The following HECW1 variants were observed in gnomAD, a reference collection of about 807,000 sequenced individuals.
The protein encoded by HECW1 is E3 ubiquitin-protein ligase HECW1.
HECW1 carries 61 observed loss-of-function variants against 182.3 expected under a neutral mutation model. The ratio of observed to expected loss-of-function variants is 0.33; its 90% CI spans 0.27 to 0.41. HECW1 has a LOEUF of 0.41. Among genes scored for constraint, HECW1 ranks in the 10% least tolerant of loss-of-function variants. The pLI, the probability that HECW1 is intolerant of heterozygous loss-of-function variation, is 1.00. For missense variants in HECW1, 1,739 were observed against 2,108.9 expected, an observed-to-expected ratio of 0.82 and a Z score of 3.44; for synonymous variants, 859 against 832.6, an observed-to-expected ratio of 1.03 and a Z score of -0.55.
intron 2 of HECW1, among the ~76,000 whole-genome samples, chr7:43,159,075 A>G (rs1003338954): frequency 6.6e-6 from 1 of 152,198 alleles, no homozygotes; most frequent in African/African-American, 2.4e-5. Context: ...CTGCTGCAGT[A>G]AACATTCACG....
chr7:43,231,933 A>G (rs903364077), intron 2 of HECW1, among the ~76,000 whole-genome samples: 5 of 151,044 alleles, frequency 3.3e-5, no homozygotes, highest in Non-Finnish European at 7.4e-5. Flanking sequence ...AAGGCAGGAG[A>G]ATGGCGTGAA....
intron 5 of HECW1, among the ~76,000 whole-genome samples, chr7:43,329,709 C>T (rs536266764): frequency 2.6e-5 from 4 of 152,156 alleles, no homozygotes; most frequent in African/African-American, 9.6e-5. Flanking sequence ...CACAGTTGCC[C>T]GGACACGGCG....
At chr7:43,373,058 G>T (rs1349361640) in intron 6 of HECW1, among the ~76,000 whole-genome samples, 1 of 152,148 alleles carries the variant, frequency 6.6e-6, no homozygotes, top group Non-Finnish European at 1.5e-5. Flanking sequence ...AATTTCTGAT[G>T]ATTATAATGT....
At chr7:43,391,257 T>G (rs1354086566) in intron 6 of HECW1, among the ~76,000 whole-genome samples, 4 of 152,128 alleles carry the variant, frequency 2.6e-5, no homozygotes, top group African/African-American at 9.7e-5. Flanking sequence ...CTGGAAAACT[T>G]TGTAATTTTG....
rs2077662153 is a variant in HECW1 at position 43,463,665 on chromosome 7, A to G, written c.2657A>G (p.Gln886Arg). The change falls in exon 14 of 30, where the codon CAA becomes CGA. Residue 886 changes from glutamine (Q) to arginine (R), a missense_variant. Gln to Arg is a conservative substitution (Grantham distance 43). This residue lies in a region of HECW1 where 971 missense variants were observed against 1,029.1 expected (regional missense o/e 0.94). Transcript: ENST00000395891. ...TTCCATTTTCTAATGCAAAGGTATC[A>G]AAACATTCAGCGAACCATTGCAACA... ...QQMEQLNRRY[Q>R]NIQRTIATER... 8.1e-6 allele frequency: 13 copies of G among 1,613,768 alleles called. No individual in the cohort carries two copies. Among genetic ancestry groups the G allele is most frequent in the Non-Finnish European group, 1.0e-5 (12 of 1,179,776 alleles).
At chr7:43,219,607 T>C (rs1240348130) in intron 2 of HECW1, among the ~76,000 whole-genome samples, 4 of 152,052 alleles carry the variant, frequency 2.6e-5, no homozygotes, top group Non-Finnish European at 5.9e-5. Context: ...AGTGGGTATG[T>C]GACTGGGGGC....
At chr7:43,535,703 C>T (rs541960279) in intron 24 of HECW1, among the ~76,000 whole-genome samples, 3 of 152,242 alleles carry the variant, frequency 2.0e-5, no homozygotes, top group African/African-American at 4.8e-5. Context: ...CGTACTGTAC[C>T]GTGGTGGGAA....
chr7:43,488,003 A>AAGCCAGCC (rs745645379), intron 17 of HECW1, among the ~76,000 whole-genome samples: 7 of 149,866 alleles, frequency 4.7e-5, no homozygotes, highest in Non-Finnish European at 8.9e-5. Flanking sequence ...GAAAGAAAGA[A>AAGCCAGCC]AGCCAGCCAG....
chr7:43,411,614 G>A (rs1043282507), intron 8 of HECW1, among the ~76,000 whole-genome samples: 1 of 152,100 alleles, frequency 6.6e-6, no homozygotes, highest in African/African-American at 2.4e-5. Flanking sequence ...GGAATTGTCT[G>A]TTTCTCTAAT....
chr7:43,396,480 A>T (rs923128796), intron 6 of HECW1, among the ~76,000 whole-genome samples: 3 of 152,246 alleles, frequency 2.0e-5, no homozygotes, highest in African/African-American at 7.2e-5. Context: ...CTAGTGCCTT[A>T]GGCCCTGCTT....
At position 43,400,696 on chromosome 7, in the gene HECW1, A is replaced by G. The variant is rs187039244; in HGVS notation, c.631+3807A>G. 8.5e-5 allele frequency among the ~76,000 whole-genome samples: 13 copies of G among 152,298 alleles called. No individual in the cohort carries two copies. The East Asian group carries it at 1.9e-3, about 23-fold the overall frequency. On this transcript the variant is annotated intron_variant, in intron 7 of 29. Coordinates refer to ENST00000395891, the MANE Select transcript of HECW1 (RefSeq NM_015052.5). ...GTTTTTTAAAGCTTGCAAAAATAGAAACTTAGAAAGTCAAGTGTATTTGCT... is the reference window on the plus strand; with the variant it reads ...GTTTTTTAAAGCTTGCAAAAATAGAGACTTAGAAAGTCAAGTGTATTTGCT...
chr7:43,252,362 G>A (rs1800131693), intron 3 of HECW1, among the ~76,000 whole-genome samples: 1 of 152,176 alleles, frequency 6.6e-6, no homozygotes. Flanking sequence ...CTTCATAGCT[G>A]TCTTAGGGCC....
chr7:43,181,575 C>A (rs1171868512), intron 2 of HECW1, among the ~76,000 whole-genome samples: 1 of 150,700 alleles, frequency 6.6e-6, no homozygotes, highest in African/African-American at 2.5e-5. Context: ...ATTTGCATTT[C>A]TCTGATGATT....
intron 2 of HECW1, among the ~76,000 whole-genome samples, chr7:43,220,083 A>G (rs1205773125): frequency 6.6e-6 from 1 of 152,210 alleles, no homozygotes; most frequent in Admixed American, 6.5e-5. Context: ...CAGGCCACCT[A>G]CACTTCTACT....
rs886464633 is a variant in HECW1 at position 43,390,549 on chromosome 7, CA to C, written c.556-6255del. On this transcript the variant is annotated intron_variant, in intron 6 of 29. Coordinates refer to ENST00000395891, the MANE Select transcript of HECW1 (RefSeq NM_015052.5). ...AGCAAGCAACTCTTAAAAAAAAAAA[CA>C]AAAAAAAAACAGCAGAGTTGTGGAG... Among the ~76,000 whole-genome samples, 607 of 134,048 alleles carry C rather than the reference CA, an allele frequency of 4.5e-3. 4 individuals are homozygous for C. The highest frequency in any genetic ancestry group is 0.021 in the East Asian group (98 of 4,718). 87.9% of individuals were successfully genotyped at this position (134,048 alleles called of 152,430 possible). A position where few individuals can be genotyped will look rare whatever the true frequency, so the allele number is the denominator to read the frequency against.
At chr7:43,354,496 C>G (rs1814858419) in intron 5 of HECW1, among the ~76,000 whole-genome samples, 1 of 152,080 alleles carries the variant, frequency 6.6e-6, no homozygotes, top group Non-Finnish European at 1.5e-5. Context: ...AATCTTGGAA[C>G]TGAGAAATAT....
intron 17 of HECW1, among the ~76,000 whole-genome samples, chr7:43,486,464 G>T (rs1445058985): frequency 6.6e-6 from 1 of 152,072 alleles, no homozygotes; most frequent in Non-Finnish European, 1.5e-5. Flanking sequence ...CCTACACCCG[G>T]CTAATTTTTT....
chr7:43,281,545 G>T (rs1290971802), intron 3 of HECW1, among the ~76,000 whole-genome samples: 1 of 152,028 alleles, frequency 6.6e-6, no homozygotes, highest in Non-Finnish European at 1.5e-5. Context: ...TCAAACACAA[G>T]CTCTTTCAAG....
chr7:43,282,433 G>A (rs1804036137), intron 3 of HECW1, among the ~76,000 whole-genome samples: 1 of 152,218 alleles, frequency 6.6e-6, no homozygotes, highest in Admixed American at 6.5e-5. Context: ...GTCGTTTCCA[G>A]CCCCTATGGG....
Sources: gnomAD v4.1 joint callset for allele counts (sites outside exome capture counted in the v4.1 genomes callset) on GRCh38, gnomAD v4.1.1 for gene constraint, gnomAD v4.1.1 regional missense constraint, MANE v1.5 for transcripts, NCBI Gene and HGNC (gene_info 2026-07-23, HGNC 2026-07-21) for gene names.